Variants in LRP6 observed in about 807,000 individuals in gnomAD.
LRP6 encodes LDL receptor related protein 6.
LRP6 carries 43 observed loss-of-function variants against 184.1 expected under a neutral mutation model. The ratio of observed to expected loss-of-function variants is 0.23; its 90% CI spans 0.18 to 0.30. The LOEUF is 0.30. Among genes scored for constraint, LRP6 ranks in the 10% least tolerant of loss-of-function variants. LRP6 has a pLI of 1.00. For synonymous variants in LRP6, 719 were observed against 684.9 expected (o/e 1.05, Z -0.78); for missense variants, 1,571 against 2,005.3 (o/e 0.78, Z 4.14).
chr12:12,204,916 G>A (rs141283503), intron 2 of LRP6, among the ~76,000 whole-genome samples: 2,661 of 148,538 alleles, frequency 0.018, 80 homozygotes, highest in African/African-American at 0.062. Context: ...GCAGTGAGCC[G>A]AGATCACACC....
chr12:12,234,835 A>G (rs898098898), intron 2 of LRP6, among the ~76,000 whole-genome samples: 9 of 152,198 alleles, frequency 5.9e-5, no homozygotes, highest in African/African-American at 1.9e-4. Context: ...CAAAAAAAAA[A>G]AGAATATACA....
chr12:12,159,768 A>C lies in LRP6; in HGVS notation c.2464+12T>G. 2 of 1,613,470 alleles carry C rather than the reference A, an allele frequency of 1.2e-6. No homozygotes were observed. The highest frequency in any genetic ancestry group is 1.7e-6 in the Non-Finnish European group (2 of 1,179,388). On this transcript the variant is annotated intron_variant, in intron 11 of 22. Transcript: ENST00000261349. The stretch of plus-strand genomic sequence containing the variant: ...AGAATATACTGTTTGAGTAAAAAGT[A>C]GTAAAGCTTACCAAGCATATTTGAA...
rs567315765 is a variant in LRP6, at chr12:12,119,987, C to CAAACAAACAAACAAACAAAAAAAAAAAA, written c.*1138_*1139insTTTTTTTTTTTTGTTTGTTTGTTTGTTT. 4 of 42,938 alleles carry CAAACAAACAAACAAACAAAAAAAAAAAA rather than the reference C, an allele frequency of 9.3e-5. No homozygotes were observed. Among genetic ancestry groups the CAAACAAACAAACAAACAAAAAAAAAAAA allele is most frequent in the South Asian group, 7.1e-4 (1 of 1,414 alleles). The allele number at this position is 42,938 out of a possible 1,614,324, so 2.7% of individuals were successfully genotyped here. ...TTTACTCAGAAAACAAACAAACAAA[C>CAAACAAACAAACAAACAAAAAAAAAAAA]AAAATATATATATATATATATATAT... On this transcript the variant is annotated 3_prime_UTR_variant, in exon 23 of 23. Transcript: ENST00000261349.
intron 17 of LRP6, among the ~76,000 whole-genome samples, chr12:12,134,553 C>T (rs1162235523): frequency 6.6e-6 from 1 of 152,122 alleles, no homozygotes; most frequent in Non-Finnish European, 1.5e-5. Flanking sequence ...TATCACTATA[C>T]TCAGTGATAT....
At chr12:12,188,350 G>A (rs1277120318) in intron 3 of LRP6, among the ~76,000 whole-genome samples, 1 of 152,078 alleles carries the variant, frequency 6.6e-6, no homozygotes, top group African/African-American at 2.4e-5. Flanking sequence ...GCCCACCCAG[G>A]AGGCAGAGAT....
At chr12:12,214,068 C>T (rs1317158832) in intron 2 of LRP6, among the ~76,000 whole-genome samples, 5 of 151,962 alleles carry the variant, frequency 3.3e-5, no homozygotes, top group African/African-American at 9.7e-5. Flanking sequence ...CATTACCCAC[C>T]CCATGGGGTC....
At chr12:12,266,316 T>C (rs939327474) in intron 1 of LRP6, among the ~76,000 whole-genome samples, 1 of 152,082 alleles carries the variant, frequency 6.6e-6, no homozygotes, top group Non-Finnish European at 1.5e-5. Context: ...GACTCAAACA[T>C]TTTAAAAGCC....
rs146199986 is a variant in LRP6 at position 12,206,754 on chromosome 12, T to C, written c.450-3354A>G. 4.7e-4 allele frequency among the ~76,000 whole-genome samples: 71 copies of C among 151,336 alleles called. No homozygotes were observed. In the East Asian group the frequency reaches 0.013, roughly 28 times the overall value. ...AAGATGCTGTCTCTATTTTTTAAAA[T>C]GAAAAAATAATAATAAAATAAAATT... On this transcript the variant is annotated intron_variant, in intron 2 of 22. Transcript: ENST00000261349.
intron 1 of LRP6, 64 bp downstream of exon 1, chr12:12,266,617 C>T: frequency 8.2e-7 from 1 of 1,217,040 alleles, no homozygotes; most frequent in East Asian, 2.5e-5. Context: ...TCCCCCTAGA[C>T]ACATACAACA....
At position 12,164,919 on chromosome 12, in the gene LRP6, T is replaced by TAAAAAAAAAAAAAAAAAAAAAAAAAAA. The variant is rs58540250; in HGVS notation, c.1762+133_1762+159dup. 1.2e-4 allele frequency among the ~76,000 whole-genome samples: 7 copies of TAAAAAAAAAAAAAAAAAAAAAAAAAAA among 57,074 alleles called. 1 individual carries two copies. The highest frequency in any genetic ancestry group is 2.2e-4 in the Non-Finnish European group (6 of 27,794). 37.4% of individuals were successfully genotyped at this position (57,074 alleles called of 152,430 possible). A position where few individuals can be genotyped will look rare whatever the true frequency, so the allele number is the denominator to read the frequency against. ...CAACGTTTAAAAGGTCCCTTCTCAG[T>TAAAAAAAAAAAAAAAAAAAAAAAAAAA]AAAAAAAAAAAAAAAAAAAAAAAAA... On this transcript the variant is annotated intron_variant, in intron 8 of 22. Transcript: ENST00000261349.
At chr12:12,160,177 T>A (rs11054715) in intron 10 of LRP6, among the ~76,000 whole-genome samples, 1 of 152,348 alleles carries the variant, frequency 6.6e-6, no homozygotes, top group East Asian at 1.9e-4. Context: ...GTGAGTCAGC[T>A]TTCCTTAGTC....
intron 22 of LRP6, among the ~76,000 whole-genome samples, 184 bp downstream of exon 22, chr12:12,124,381 A>C (rs78623061): frequency 6.6e-6 from 1 of 151,448 alleles, no homozygotes; most frequent in Admixed American, 6.6e-5. Context: ...TCAAAAAATT[A>C]AAAAAAAAGT....
chr12:12,164,053 C>A (rs191746695), intron 9 of LRP6, among the ~76,000 whole-genome samples: 1 of 151,846 alleles, frequency 6.6e-6, no homozygotes, highest in Admixed American at 6.6e-5. Context: ...TCGCTTGAAC[C>A]TGGGAGGCAG....
intron 1 of LRP6, 67 bp downstream of exon 1, chr12:12,266,614 A>T: frequency 8.5e-7 from 1 of 1,170,264 alleles, no homozygotes; most frequent in Admixed American, 2.0e-5. Context: ...CCCTCCCCCT[A>T]GACACATACA....
chr12:12,124,846 C>T (rs1398396758), intron 21 of LRP6, among the ~76,000 whole-genome samples, 184 bp from the exon 22 acceptor site: 1 of 152,096 alleles, frequency 6.6e-6, no homozygotes, highest in African/African-American at 2.4e-5. Context: ...TTCCCTAAGA[C>T]CTCATCATGG....
intron 2 of LRP6, among the ~76,000 whole-genome samples, chr12:12,220,210 C>CCCAG (rs1399408032): frequency 1.3e-5 from 2 of 151,912 alleles, no homozygotes; most frequent in Admixed American, 1.3e-4. Context: ...ATCACTTGAA[C>CCCAG]CCAGGAAGCA....
At chr12:12,257,813 A>T in intron 1 of LRP6, among the ~76,000 whole-genome samples, 1 of 139,154 alleles carries the variant, frequency 7.2e-6, no homozygotes, top group Admixed American at 7.3e-5. Flanking sequence ...AAAAAAAATT[A>T]AAAATGAGCC....
intron 8 of LRP6, 39 bp downstream of exon 8, chr12:12,165,040 C>G: frequency 1.3e-6 from 2 of 1,491,388 alleles, no homozygotes; most frequent in Non-Finnish European, 1.9e-6. Flanking sequence ...TTTTTTCATT[C>G]CTGGTTCCCA....
Position 12,172,923 on chromosome 12 carries a change from T to TA in LRP6, c.1545+6886dup, listed in dbSNP as rs544631378. Among the ~76,000 whole-genome samples the TA allele has an allele frequency of 2.3e-3, 354 of 152,330 alleles. 1 individual carries two copies. The highest frequency in any genetic ancestry group is 8.4e-3 in the African/African-American group (348 of 41,582). On this transcript the variant is annotated intron_variant, in intron 7 of 22. Coordinates refer to ENST00000261349, the MANE Select transcript of LRP6 (RefSeq NM_002336.3). The stretch of plus-strand genomic sequence containing the variant: ...GTGCTATATTCAAAGCCTTTTAACC[T>TA]ACTTCAAGATACATTAAGTCTGAGT...
Sources: allele counts gnomAD v4.1 joint callset (sites outside exome capture counted in the v4.1 genomes callset), GRCh38; gene constraint gnomAD v4.1.1; transcripts MANE v1.5; gene names NCBI Gene and HGNC (gene_info 2026-07-23, HGNC 2026-07-21).